CEP63: variants seen among roughly 807,000 people sequenced by gnomAD.
The protein encoded by CEP63 is centrosomal protein of 63 kDa.
A neutral mutation model predicts 89.1 loss-of-function variants in CEP63; 84 were observed. That is an observed-to-expected ratio of 0.94 (90% confidence interval 0.79 to 1.13). The LOEUF (loss-of-function observed/expected upper bound fraction) is 1.13, where lower values mean the gene tolerates loss of function less well. Among genes scored for constraint, CEP63 ranks in the 50% most tolerant of loss-of-function variants. The pLI, the probability that CEP63 is intolerant of heterozygous loss-of-function variation, is 0.00. For missense variants in CEP63, 838 were observed against 813.3 expected, an observed-to-expected ratio of 1.03 and a Z score of -0.37; for synonymous variants, 267 against 272.5, an observed-to-expected ratio of 0.98 and a Z score of 0.20.
the CEP63 span, among the ~76,000 whole-genome samples, chr3:134,637,861 C>A: frequency 6.6e-5 from 10 of 152,220 alleles, no homozygotes; most frequent in Non-Finnish European, 1.2e-4. Context: ...GCTGTTAAAG[C>A]CCCTCCAGGG....
At chr3:134,748,351 A>T in the CEP63 span, among the ~76,000 whole-genome samples, 1 of 152,120 alleles carries the variant, frequency 6.6e-6, no homozygotes, top group Admixed American at 6.5e-5. Flanking sequence ...TATTTATCTA[A>T]ATTAGTACAA....
the CEP63 span, among the ~76,000 whole-genome samples, chr3:134,632,475 G>A: frequency 2.6e-5 from 4 of 151,944 alleles, no homozygotes; most frequent in Non-Finnish European, 4.4e-5. Context: ...AAATGTCCAA[G>A]TATTAAAAAT....
chr3:134,503,638 T>C (rs1166994560), intron 2 of CEP63, among the ~76,000 whole-genome samples: 3 of 152,158 alleles, frequency 2.0e-5, no homozygotes, highest in African/African-American at 7.2e-5. Context: ...TATTGGAGTC[T>C]GTCTCTCTTT....
At chr3:134,522,792 T>G (rs1947761659) in intron 3 of CEP63, among the ~76,000 whole-genome samples, 1 of 152,138 alleles carries the variant, frequency 6.6e-6, no homozygotes, top group Non-Finnish European at 1.5e-5. Context: ...CTCATTTTCT[T>G]TAGTCTACCA....
the CEP63 span, among the ~76,000 whole-genome samples, chr3:134,663,333 C>T: frequency 6.6e-6 from 1 of 152,122 alleles, no homozygotes; most frequent in Non-Finnish European, 1.5e-5. Flanking sequence ...GTAGGTGGCT[C>T]AAGTAACCAA....
chr3:134,549,357 C>T (rs552453263), intron 10 of CEP63, among the ~76,000 whole-genome samples, 181 bp downstream of exon 10: 288 of 152,210 alleles, frequency 1.9e-3, no homozygotes, highest in African/African-American at 6.6e-3. Context: ...TCTTTGGCAT[C>T]GCCCCTGATG....
chr3:134,781,986 T>C, the CEP63 span, among the ~76,000 whole-genome samples: 1 of 152,218 alleles, frequency 6.6e-6, no homozygotes, highest in Non-Finnish European at 1.5e-5. Context: ...AGAGAATGCG[T>C]CCGATGTTTT....
rs962016210 is a variant in CEP63 at position 134,563,624 on chromosome 3, T to C, written c.*2089T>C. ...TTTTAGTAGGAACAGGGTTTCACCA[T>C]GTTGGTCAGGCTGATCTCGAACTCC... On this transcript the variant is annotated 3_prime_UTR_variant, in exon 15 of 15. Transcript: ENST00000675561. The C allele has an allele frequency of 9.2e-5, 14 of 152,246 alleles. No homozygotes were observed. Among genetic ancestry groups the C allele is most frequent in the African/African-American group, 2.9e-4 (12 of 41,434 alleles). The allele number at this position is 152,246 out of a possible 1,614,324, so 9.4% of individuals were successfully genotyped here. A position where few individuals can be genotyped will look rare whatever the true frequency, so the allele number is the denominator to read the frequency against.
At chr3:134,751,110 C>T in the CEP63 span, among the ~76,000 whole-genome samples, 20 of 152,326 alleles carry the variant, frequency 1.3e-4, no homozygotes, top group Admixed American at 3.9e-4. Flanking sequence ...TAGAATCATA[C>T]AATATGGACA....
At chr3:134,541,888 A>T (rs1952103143) in intron 6 of CEP63, among the ~76,000 whole-genome samples, 1 of 152,176 alleles carries the variant, frequency 6.6e-6, no homozygotes, top group Non-Finnish European at 1.5e-5. Flanking sequence ...ATTAAAAAGT[A>T]CAGTTGTTAA....
downstream of CEP63, among the ~76,000 whole-genome samples, chr3:134,590,376 A>G (rs1389895652): frequency 6.6e-6 from 1 of 152,264 alleles, no homozygotes; most frequent in Admixed American, 6.5e-5. Flanking sequence ...GCATGACAAT[A>G]GTTCTATTTC....
At chr3:134,651,714 G>T in the CEP63 span, 657,583 of 723,734 alleles carry the variant, frequency 0.91, 299,387 homozygotes, top group East Asian at 1. Context: ...TTAAAGTCTC[G>T]GTTCGTTCTA....
intron 3 of CEP63, among the ~76,000 whole-genome samples, chr3:134,516,225 A>G (rs1427922015): frequency 6.6e-6 from 1 of 152,200 alleles, no homozygotes; most frequent in Non-Finnish European, 1.5e-5. Context: ...AACAAGGTAA[A>G]TAATTAAGTG....
chr3:134,550,635 AAC>A (rs1954610175), intron 11 of CEP63, among the ~76,000 whole-genome samples: 2 of 152,194 alleles, frequency 1.3e-5, no homozygotes, highest in Non-Finnish European at 2.9e-5. Flanking sequence ...AGAGAGTAGA[AAC>A]ACGCTTGCTG....
the CEP63 span, among the ~76,000 whole-genome samples, chr3:134,729,575 A>G: frequency 1.3e-4 from 20 of 152,308 alleles, no homozygotes; most frequent in African/African-American, 4.8e-4. Context: ...AAAGGGTAAG[A>G]TCTGGTTCAA....
the CEP63 span, among the ~76,000 whole-genome samples, chr3:134,771,840 T>TA: frequency 4.0e-5 from 6 of 151,662 alleles, no homozygotes; most frequent in Admixed American, 1.3e-4. Flanking sequence ...AAATGTAAAA[T>TA]AAAAAAAAGA....
the CEP63 span, among the ~76,000 whole-genome samples, chr3:134,781,953 T>C: frequency 6.6e-6 from 1 of 152,222 alleles, no homozygotes; most frequent in Non-Finnish European, 1.5e-5. Flanking sequence ...AGAGTAGGCA[T>C]CCTTTCTTCT....
the CEP63 span, among the ~76,000 whole-genome samples, chr3:134,628,831 C>A: frequency 6.6e-6 from 1 of 152,204 alleles, no homozygotes; most frequent in South Asian, 2.1e-4. Flanking sequence ...GAAACATGAA[C>A]CCAGTCAGTC....
At chr3:134,488,789 T>C (rs1936597090) in intron 1 of CEP63, among the ~76,000 whole-genome samples, 1 of 152,150 alleles carries the variant, frequency 6.6e-6, no homozygotes, top group African/African-American at 2.4e-5. Flanking sequence ...AGTAGTTAGA[T>C]GTAGAATTGC....
Sources: allele counts gnomAD v4.1 joint callset (sites outside exome capture counted in the v4.1 genomes callset), GRCh38; gene constraint gnomAD v4.1.1; transcripts MANE v1.5; gene names NCBI Gene and HGNC (gene_info 2026-07-23, HGNC 2026-07-21).